Variants in SART3 observed in about 807,000 individuals in gnomAD.
The protein encoded by SART3 is spliceosome associated factor 3, U4/U6 recycling protein.
Under a neutral mutation model 122.3 loss-of-function variants are expected in SART3, and 44 were observed. The observed-to-expected ratio is 0.36, with a 90% CI of 0.28 to 0.46. The LOEUF is 0.46. Ranked by LOEUF, SART3 falls within the 20% of genes least tolerant of loss-of-function variation. SART3 has a pLI of 1.00. For synonymous variants in SART3, 442 were observed against 454.0 expected, an observed-to-expected ratio of 0.97 and a Z score of 0.34; for missense variants, 1,101 against 1,229.0, an observed-to-expected ratio of 0.90 and a Z score of 1.56.
rs1872330910 is a variant in SART3 at position 108,525,522 on chromosome 12, T to A, written c.2458A>T (p.Ile820Phe). ...TTCACGGTGCCATGAGCCTTACAGA[T>A]TTCTTCTAGTTCCTCTTTAGTACAG... ...FSCTKEELEE[I>F]CKAHGTVKDL... is the part of the protein sequence containing the mutation. The change falls in exon 17 of 19, where the codon ATC (isoleucine) becomes TTC (phenylalanine). Residue 820 changes from isoleucine (I) to phenylalanine (F), a missense_variant. Around this residue, in one of 2 missense-constraint regions of SART3, gnomAD observed 885 missense variants for 1,080.1 expected, o/e 0.82. Transcript: ENST00000546815. 6.2e-6 allele frequency: 10 copies of A among 1,614,194 alleles called. No homozygotes were observed. Among genetic ancestry groups the A allele is most frequent in the Non-Finnish European group, 6.8e-6 (8 of 1,180,024 alleles).
At chr12:108,544,616 G>A in intron 4 of SART3, 138 bp from the exon 5 acceptor site, 2 of 1,189,088 alleles carry the variant, frequency 1.7e-6, no homozygotes, top group Non-Finnish European at 1.2e-6. Flanking sequence ...ACCCTGGCTG[G>A]AGTGTGGTGG....
rs1289655726 is a variant in SART3, at chr12:108,525,470, G to T, written c.2510C>A (p.Ala837Asp). 1.9e-6 allele frequency: 3 copies of T among 1,614,070 alleles called. No homozygotes were observed. Among genetic ancestry groups the T allele is most frequent in the Non-Finnish European group, 2.5e-6 (3 of 1,180,036 alleles). The change falls in exon 17 of 19, where the codon GCT becomes GAT. Residue 837 changes from alanine to aspartate, a missense_variant. By Grantham distance (126) the Ala-to-Asp change is moderately radical (BLOSUM62 -2). This residue lies in a region of SART3 where 885 missense variants were observed against 1,080.1 expected (regional missense o/e 0.82). Transcript: ENST00000546815. ...TCTGACTCTGACCTTTGGTTTGCCAGCCCGGTTGGTGACCAGCCTGAGGTC... is the reference window on the plus strand; with the variant it reads ...TCTGACTCTGACCTTTGGTTTGCCATCCCGGTTGGTGACCAGCCTGAGGTC... Reference protein sequence around the residue: ...VKDLRLVTNRAGKPKGLAYVE... With the variant: ...VKDLRLVTNRDGKPKGLAYVE...
chr12:108,527,897 C>T (rs1272891311), intron 15 of SART3, among the ~76,000 whole-genome samples: 1 of 152,072 alleles, frequency 6.6e-6, no homozygotes, highest in Admixed American at 6.5e-5. Flanking sequence ...TCCCGAGTAG[C>T]TGGGAAAACA....
At chr12:108,558,684 T>C (rs749815512) in intron 1 of SART3, among the ~76,000 whole-genome samples, 3 of 152,176 alleles carry the variant, frequency 2.0e-5, no homozygotes, top group Non-Finnish European at 2.9e-5. Context: ...TGGTACCCAG[T>C]GTCACGCTGT....
chr12:108,546,962 G>C (rs1287024281), intron 3 of SART3, among the ~76,000 whole-genome samples: 1 of 152,176 alleles, frequency 6.6e-6, no homozygotes, highest in Non-Finnish European at 1.5e-5. Context: ...TGAGATTACA[G>C]GTACGTGCCA....
chr12:108,525,258 T>C (rs1872317746), intron 17 of SART3, among the ~76,000 whole-genome samples, 199 bp downstream of exon 17: 1 of 152,272 alleles, frequency 6.6e-6, no homozygotes, highest in African/African-American at 2.4e-5. Context: ...TTATTCTTTT[T>C]AGTACAATTA....
chr12:108,557,508 A>C (rs961683306), intron 1 of SART3, among the ~76,000 whole-genome samples: 19 of 152,224 alleles, frequency 1.2e-4, no homozygotes, highest in African/African-American at 3.9e-4. Flanking sequence ...CAACTGGTGC[A>C]ATCAAAGGCA....
chr12:108,534,477 A>G (rs903096745), intron 12 of SART3, among the ~76,000 whole-genome samples: 5 of 151,984 alleles, frequency 3.3e-5, no homozygotes, highest in Admixed American at 6.6e-5. Context: ...TGAGGTCAGC[A>G]TGACCTACAT....
In SART3 at chr12:108,538,177, C is replaced by A. The variant is rs1872999281; in HGVS notation, c.1089G>T (p.Leu363Phe). Residue 363 changes from leucine to phenylalanine, a missense_variant, in exon 8 of 19, where the codon TTG becomes TTT. Physicochemically the swap from Leu to Phe is conservative, Grantham distance 22 (BLOSUM62 0). This residue lies in a region of SART3 where 885 missense variants were observed against 1,080.1 expected (regional missense o/e 0.82). Coordinates refer to ENST00000546815, the MANE Select transcript of SART3 (RefSeq NM_014706.4). ...TAGCGCGGTTATGTACAGATAAAAC[C>A]AAATCCTTTACTTTCAGTTGTCGAT... ...YLDRQLKVKD[L>F]VLSVHNRAIR... is the part of the protein sequence containing the mutation. The A allele has an allele frequency of 6.2e-7, 1 of 1,614,010 alleles. No individual in the cohort carries two copies.
At chr12:108,533,160 G>C (rs781368404) in intron 12 of SART3, among the ~76,000 whole-genome samples, 1 of 152,090 alleles carries the variant, frequency 6.6e-6, no homozygotes, top group South Asian at 2.1e-4. Context: ...ACGTACCCCT[G>C]AGGATCTCCC....
intron 1 of SART3, among the ~76,000 whole-genome samples, chr12:108,557,060 A>G (rs1007163681): frequency 1.3e-5 from 2 of 152,210 alleles, no homozygotes; most frequent in African/African-American, 4.8e-5. Flanking sequence ...TGAAGATACT[A>G]TATGTGGACA....
chr12:108,533,297 C>T (rs6539437), intron 12 of SART3, among the ~76,000 whole-genome samples: 7,209 of 149,034 alleles, frequency 0.048, 570 homozygotes, highest in African/African-American at 0.17. Context: ...TAGCACAAAT[C>T]AAGGCAGTAG....
At chr12:108,554,127 G>C (rs1468784000) in intron 1 of SART3, 3 of 52,186 alleles carry the variant, frequency 5.7e-5, no homozygotes, top group African/African-American at 1.8e-4. Context: ...TTCCTCAGAG[G>C]GCGCCCCCGG....
intron 13 of SART3, chr12:108,531,790 CCT>C (rs758283441): frequency 1.1e-5 from 3 of 282,708 alleles, no homozygotes; most frequent in East Asian, 9.0e-5. Flanking sequence ...TCTCCAAGCT[CCT>C]TTGTTGGATA....
rs150684691 is a variant in SART3 at position 108,523,777 on chromosome 12, T to G, written c.2715-143A>C. 6.1e-4 allele frequency: 481 copies of G among 790,212 alleles called. 2 individuals carry two copies. In the African/African-American group the frequency reaches 7.5e-3, roughly 12 times the overall value. 49.0% of individuals were successfully genotyped at this position (790,212 alleles called of 1,614,324 possible). On this transcript the variant is annotated intron_variant, in intron 18 of 18. Transcript: ENST00000546815. ...AAAGGATAAGATAATCCCTGCCTCC[T>G]TAATTCTGTTTATGAAGTAAAAACT...
intron 6 of SART3, 26 bp from the exon 7 acceptor site, chr12:108,539,115 A>C (rs750039504): frequency 1.2e-6 from 2 of 1,613,778 alleles, no homozygotes; most frequent in East Asian, 2.2e-5. Context: ...ATTGTATTGA[A>C]TTTAGTTACT....
In SART3 at chr12:108,549,205, T is replaced by C. The variant is rs144486219; in HGVS notation, c.322A>G (p.Asn108Asp). 325 of 1,614,186 alleles carry C rather than the reference T, an allele frequency of 2.0e-4. 2 individuals are homozygous for C. Among genetic ancestry groups the C allele is most frequent in the South Asian group, 1.5e-3 (137 of 91,088 alleles). The change falls in exon 2 of 19, where the codon AAC (asparagine) becomes GAC (aspartate). Residue 108 changes from asparagine (N) to aspartate (D), a missense_variant. Asn to Asp is a conservative substitution (Grantham distance 23). This residue lies in a region of SART3 where 216 missense variants were observed against 148.9 expected (regional missense o/e 1.45). Transcript: ENST00000546815. Reference sequence around the variant, plus strand: ...ACATGGCAGTTGTAGTCATAGACGTTGATAGACAACTAACAGGAAAAGAAA... The same window carrying C: ...ACATGGCAGTTGTAGTCATAGACGTCGATAGACAACTAACAGGAAAAGAAA... ...IERLEEQLSI[N>D]VYDYNCHVDL...
chr12:108,531,411 G>A (rs1203813488), intron 13 of SART3, 131 bp from the exon 14 acceptor site: 3 of 721,268 alleles, frequency 4.2e-6, no homozygotes, highest in South Asian at 1.5e-5. Flanking sequence ...TGTAATCCCT[G>A]TAGGCTTGAA....
intron 2 of SART3, 127 bp downstream of exon 2, chr12:108,548,961 G>T (rs1390828836): frequency 1.4e-6 from 2 of 1,429,502 alleles, no homozygotes; most frequent in African/African-American, 2.8e-5. Flanking sequence ...ACTCTGATGC[G>T]TTTTCTTCTT....
Sources: gnomAD v4.1 joint callset for allele counts (sites outside exome capture counted in the v4.1 genomes callset) on GRCh38, gnomAD v4.1.1 for gene constraint, gnomAD v4.1.1 regional missense constraint, MANE v1.5 for transcripts, NCBI Gene and HGNC (gene_info 2026-07-23, HGNC 2026-07-21) for gene names.